Variants in SEPTIN9 observed in about 807,000 individuals in gnomAD.
SEPTIN9 encodes septin-9.
Under a neutral mutation model 56.6 loss-of-function variants are expected in SEPTIN9, and 13 were observed. The ratio of observed to expected loss-of-function variants is 0.23; its 90% CI spans 0.15 to 0.37. SEPTIN9 has a LOEUF of 0.37. SEPTIN9 is among the 10% of genes least tolerant of loss of function. The pLI, the probability that SEPTIN9 is intolerant of heterozygous loss-of-function variation, is 1.00. For missense variants in SEPTIN9, 650 were observed against 823.1 expected, an observed-to-expected ratio of 0.79 and a Z score of 2.57; for synonymous variants, 332 against 334.1, an observed-to-expected ratio of 0.99 and a Z score of 0.07.
At chr17:77,281,961 C>A (rs2031045514) in intron 1 of SEPTIN9, 2 of 196,100 alleles carry the variant, frequency 1.0e-5, no homozygotes, top group Non-Finnish European at 2.1e-5. Context: ...GCCGCAGCAT[C>A]CTTTCTTCGG....
intron 3 of SEPTIN9, among the ~76,000 whole-genome samples, chr17:77,459,968 A>G (rs1201908081): frequency 6.6e-6 from 1 of 151,884 alleles, no homozygotes; most frequent in Non-Finnish European, 1.5e-5. Context: ...GAGCCACCTC[A>G]CCCAGCCCTC....
Position 77,476,627 on chromosome 17 carries a change from G to A in SEPTIN9, c.722-5517G>A, listed in dbSNP as rs561245978. Reference sequence around the variant, plus strand: ...CAGATTTGGGGGCAGTCCCCATCACGGGACCGGTGACCTACTGCCACCAGC... The same window carrying A: ...CAGATTTGGGGGCAGTCCCCATCACAGGACCGGTGACCTACTGCCACCAGC... On this transcript the variant is annotated intron_variant, in intron 3 of 11. Transcript: ENST00000427177. The surrounding 1 kb of genome is among the most constrained non-coding windows in gnomAD (Gnocchi z 6.0). Among the ~76,000 whole-genome samples the A allele has an allele frequency of 1.5e-4, 23 of 152,348 alleles. No individual in the cohort carries two copies. Among genetic ancestry groups the A allele is most frequent in the Admixed American group, 4.6e-4 (7 of 15,306 alleles).
In SEPTIN9 at chr17:77,445,264, C is replaced by A. The variant is rs1171431567; in HGVS notation, c.722-36880C>A. 4.3e-6 allele frequency: 2 copies of A among 469,782 alleles called. No individual in the cohort carries two copies. Among genetic ancestry groups the A allele is most frequent in the Admixed American group, 2.3e-5 (1 of 42,592 alleles). 29.1% of individuals were successfully genotyped at this position (469,782 alleles called of 1,614,324 possible). ...GCATACCAGCCCTCAGAACCACATT[C>A]CTGCTCCCCAGCCCTTTCCTCCGCA... On this transcript the variant is annotated intron_variant, in intron 3 of 11. Transcript: ENST00000427177. The surrounding 1 kb of genome is among the most constrained non-coding windows in gnomAD (Gnocchi z 4.7).
At chr17:77,282,087 C>G (rs1457202013) in intron 1 of SEPTIN9, among the ~76,000 whole-genome samples, 3 of 152,200 alleles carry the variant, frequency 2.0e-5, no homozygotes, top group African/African-American at 7.2e-5. Context: ...GGACGCCGCC[C>G]GCGGCTGACA....
chr17:77,461,189 C>G (rs1388256760), intron 3 of SEPTIN9, among the ~76,000 whole-genome samples: 1 of 151,968 alleles, frequency 6.6e-6, no homozygotes, highest in East Asian at 1.9e-4. Context: ...GCCTGTAATC[C>G]CAGTTACTCG....
At chr17:77,392,794 T>TTGTCCC (rs1318824465) in intron 2 of SEPTIN9, among the ~76,000 whole-genome samples, 3 of 152,276 alleles carry the variant, frequency 2.0e-5, no homozygotes, top group Middle Eastern at 3.4e-3. Flanking sequence ...TCTGTTCACG[T>TTGTCCC]TGTCCCTGTC....
rs1326173722 is a variant in SEPTIN9 at position 77,476,738 on chromosome 17, T to A, written c.722-5406T>A. 6.6e-6 allele frequency among the ~76,000 whole-genome samples: 1 copy of A among 152,208 alleles called. No individual in the cohort carries two copies. The highest frequency in any genetic ancestry group is 1.9e-4 in the East Asian group (1 of 5,200). ...GAAACTGTCAAGGTCTCCCGCCACC[T>A]GACACCTCCGCCTGGCTGCCACCCT... is the stretch of plus-strand genomic sequence containing the variant. On this transcript the variant is annotated intron_variant, in intron 3 of 11. Coordinates refer to ENST00000427177, the MANE Select transcript of SEPTIN9 (RefSeq NM_001113491.2). The surrounding 1 kb of genome is among the most constrained non-coding windows in gnomAD (Gnocchi z 6.0).
intron 3 of SEPTIN9, 63 bp from the exon 4 acceptor site, chr17:77,482,081 C>T (rs887065835): frequency 1.8e-5 from 27 of 1,461,946 alleles, no homozygotes; most frequent in Non-Finnish European, 2.4e-5. Context: ...GTGACAACCA[C>T]CTGGCAGGCG....
In SEPTIN9 at chr17:77,498,648, C is replaced by T. The variant is rs753322947; in HGVS notation, c.1751C>T (p.Pro584Leu). The T allele has an allele frequency of 6.3e-5, 101 of 1,608,696 alleles. No homozygotes were observed. The highest frequency in any genetic ancestry group is 1.8e-4 in the Middle Eastern group (1 of 5,424). Residue 584 changes from proline (P) to leucine (L), a missense_variant, in exon 12 of 12, where the codon CCG becomes CTG. Physicochemically the swap from Pro to Leu is moderately conservative, Grantham distance 98. Around this residue, in one of 2 missense-constraint regions of SEPTIN9, gnomAD observed 333 missense variants for 494.0 expected, o/e 0.67. Coordinates refer to ENST00000427177, the MANE Select transcript of SEPTIN9 (RefSeq NM_001113491.2). Reference protein sequence around the residue: ...NGMEEKEPEAPEM With the variant: ...NGMEEKEPEALEM ...ATGGAGGAGAAGGAGCCAGAAGCCCCGGAGATGTAGACGCCACCCTGCCCA... is the reference window on the plus strand; with the variant it reads ...ATGGAGGAGAAGGAGCCAGAAGCCCTGGAGATGTAGACGCCACCCTGCCCA...
At chr17:77,462,322 G>A (rs2038513666) in intron 3 of SEPTIN9, among the ~76,000 whole-genome samples, 1 of 151,698 alleles carries the variant, frequency 6.6e-6, no homozygotes. Flanking sequence ...GCTCACTGCA[G>A]CCTTGACTTC....
rs2033177959 is a variant in SEPTIN9 at position 77,327,339 on chromosome 17, T to C, written c.76+20142T>C. On this transcript the variant is annotated intron_variant, in intron 2 of 11. Coordinates refer to ENST00000427177, the MANE Select transcript of SEPTIN9 (RefSeq NM_001113491.2). The surrounding 1 kb of genome is among the most constrained non-coding windows in gnomAD (Gnocchi z 5.0). ...TCTCTTGCTCTGGGCACCCCCCCACTCCGAACGGCCAGAGCTTCTGAAGCC... is the reference window on the plus strand; with the variant it reads ...TCTCTTGCTCTGGGCACCCCCCCACCCCGAACGGCCAGAGCTTCTGAAGCC... 6.6e-6 allele frequency among the ~76,000 whole-genome samples: 1 copy of C among 152,030 alleles called. No homozygotes were observed. Among genetic ancestry groups the C allele is most frequent in the Non-Finnish European group, 1.5e-5 (1 of 67,980 alleles).
Position 77,316,380 on chromosome 17 carries a change from C to T in SEPTIN9, c.76+9183C>T, listed in dbSNP as rs189132613. Among the ~76,000 whole-genome samples the T allele has an allele frequency of 5.3e-3, 801 of 152,340 alleles. 9 individuals carry two copies. Among genetic ancestry groups the T allele is most frequent in the African/African-American group, 3.9e-3 (164 of 41,586 alleles). On this transcript the variant is annotated intron_variant, in intron 2 of 11. Coordinates refer to ENST00000427177, the MANE Select transcript of SEPTIN9 (RefSeq NM_001113491.2). The stretch of plus-strand genomic sequence containing the variant: ...AGGTTTTCCATTTCAAGTGATCCCC[C>T]GCCTGGGCCAAAATGTTTGGATTTT...
At chr17:77,495,192 C>A (rs988484875) in intron 10 of SEPTIN9, among the ~76,000 whole-genome samples, 10 of 152,284 alleles carry the variant, frequency 6.6e-5, no homozygotes, top group Non-Finnish European at 1.5e-5. Context: ...GAGAGAGGTC[C>A]CCGCACCTCT....
In SEPTIN9 at chr17:77,360,540, G is replaced by GT. The variant is rs146100037; in HGVS notation, c.77-41509dup. Among the ~76,000 whole-genome samples the GT allele has an allele frequency of 6.9e-3, 1,012 of 147,508 alleles. 7 individuals are homozygous for GT. Among genetic ancestry groups the GT allele is most frequent in the African/African-American group, 0.022 (873 of 40,214 alleles). ...CTCCTGCTCCCTACTAGGGTAGGTTGTTTTTTTTTTGTTGTTTTTGTTTTT... is the reference window on the plus strand; with the variant it reads ...CTCCTGCTCCCTACTAGGGTAGGTTGTTTTTTTTTTTGTTGTTTTTGTTTTT... On this transcript the variant is annotated intron_variant, in intron 2 of 11. Coordinates refer to ENST00000427177, the MANE Select transcript of SEPTIN9 (RefSeq NM_001113491.2).
rs1385158804 is a variant in SEPTIN9, at chr17:77,435,585, C to A, written c.721+32882C>A. On this transcript the variant is annotated intron_variant, in intron 3 of 11. Transcript: ENST00000427177. The surrounding 1 kb of genome is among the most constrained non-coding windows in gnomAD (Gnocchi z 4.5). The stretch of plus-strand genomic sequence containing the variant: ...TGGTCTGGAGGTGCCAGTGGTCACT[C>A]ATCAGCACAGCCCAGTCTCACACAT... 6.6e-6 allele frequency among the ~76,000 whole-genome samples: 1 copy of A among 152,222 alleles called. No homozygotes were observed. Among genetic ancestry groups the A allele is most frequent in the African/African-American group, 2.4e-5 (1 of 41,452 alleles).
chr17:77,285,170 C>T (rs1162942494), intron 1 of SEPTIN9, among the ~76,000 whole-genome samples: 2 of 152,084 alleles, frequency 1.3e-5, no homozygotes, highest in South Asian at 2.1e-4. Context: ...CCCCTCAGCA[C>T]TGGAGCCAGC....
intron 2 of SEPTIN9, chr17:77,375,946 G>A: frequency 4.0e-6 from 1 of 250,124 alleles, no homozygotes; most frequent in Non-Finnish European, 6.3e-6. Flanking sequence ...ACAACCTTGG[G>A]TGGACAGACA....
At chr17:77,321,748 G>A (rs1307409339) in intron 2 of SEPTIN9, among the ~76,000 whole-genome samples, 1 of 152,232 alleles carries the variant, frequency 6.6e-6, no homozygotes, top group Admixed American at 6.5e-5. Context: ...TTGTGCCGCT[G>A]AGCACACCCA....
At chr17:77,343,190 C>T (rs1163513548) in intron 2 of SEPTIN9, among the ~76,000 whole-genome samples, 1 of 152,150 alleles carries the variant, frequency 6.6e-6, no homozygotes, top group Non-Finnish European at 1.5e-5. Flanking sequence ...TGCCAGGGGA[C>T]CCAGCCTTGT....
Sources: gnomAD v4.1 joint callset for allele counts (sites outside exome capture counted in the v4.1 genomes callset) on GRCh38, gnomAD v4.1.1 for gene constraint, gnomAD v4.1.1 regional missense constraint, Gnocchi (gnomAD v3.1) non-coding constraint, MANE v1.5 for transcripts, NCBI Gene and HGNC (gene_info 2026-07-23, HGNC 2026-07-21) for gene names.